The following NPHP4 variants were observed in gnomAD, a reference collection of about 807,000 sequenced individuals.
The protein encoded by NPHP4 is nephrocystin 4.
NPHP4 carries 151 observed loss-of-function variants against 155.8 expected under a neutral mutation model. The observed-to-expected ratio is 0.97, with a 90% CI of 0.85 to 1.11. The LOEUF (loss-of-function observed/expected upper bound fraction) is 1.11. Among genes scored for constraint, NPHP4 ranks in the 50% least tolerant of loss-of-function variants. NPHP4 has a pLI of 0.00. For synonymous variants in NPHP4, 845 were observed against 816.8 expected (o/e 1.03, Z -0.59); for missense variants, 1,956 against 1,925.7 (o/e 1.02, Z -0.29).
intron 9 of NPHP4, among the ~76,000 whole-genome samples, chr1:5,945,614 G>A (rs1031472174): frequency 2.0e-5 from 3 of 152,174 alleles, no homozygotes; most frequent in African/African-American, 7.2e-5. Context: ...TCTCCGGCCT[G>A]AGGCACACCC....
chr1:5,921,948 C>T (rs1645761455), intron 11 of NPHP4, among the ~76,000 whole-genome samples: 1 of 152,236 alleles, frequency 6.6e-6, no homozygotes, highest in Non-Finnish European at 1.5e-5. Flanking sequence ...TACCCACGTC[C>T]TAACCCCAGA....
intron 6 of NPHP4, among the ~76,000 whole-genome samples, chr1:5,954,336 G>C (rs1364120762): frequency 1.3e-5 from 2 of 152,208 alleles, no homozygotes; most frequent in African/African-American, 4.8e-5. Flanking sequence ...TATTGTAAGT[G>C]AAAAGAATAG....
intron 10 of NPHP4, among the ~76,000 whole-genome samples, chr1:5,931,464 G>A (rs1264657302): frequency 2.0e-5 from 3 of 151,468 alleles, no homozygotes; most frequent in Admixed American, 6.6e-5. Flanking sequence ...TGCTGGCCGG[G>A]TGCAGTGACT....
intron 2 of NPHP4, among the ~76,000 whole-genome samples, chr1:5,985,497 C>T (rs1233475195): frequency 6.6e-6 from 1 of 152,240 alleles, no homozygotes; most frequent in Non-Finnish European, 1.5e-5. Context: ...GTAGCTCAGC[C>T]CCTGCAGTCC....
intron 3 of NPHP4, among the ~76,000 whole-genome samples, chr1:5,972,566 A>G (rs1652770302): frequency 6.6e-6 from 1 of 152,134 alleles, no homozygotes; most frequent in African/African-American, 2.4e-5. Flanking sequence ...CACACAGAAG[A>G]CCCTTAACCA....
chr1:5,954,884 A>T (rs186911598), intron 6 of NPHP4, among the ~76,000 whole-genome samples: 1 of 152,360 alleles, frequency 6.6e-6, no homozygotes, highest in Non-Finnish European at 1.5e-5. Context: ...AATGGATTAT[A>T]TCAAAATAAA....
At chr1:5,963,017 C>G (rs1239220928) in intron 5 of NPHP4, among the ~76,000 whole-genome samples, 1 of 152,242 alleles carries the variant, frequency 6.6e-6, no homozygotes, top group Non-Finnish European at 1.5e-5. Context: ...GTGGCCGGGC[C>G]AGGGACAGCT....
At chr1:5,887,116 C>G in intron 18 of NPHP4, 170 bp downstream of exon 18, 2 of 640,952 alleles carry the variant, frequency 3.1e-6, no homozygotes, top group South Asian at 4.0e-5. Context: ...GGGTCCAGGA[C>G]AGACTCAGCG....
At chr1:5,903,580 T>C (rs963810004) in intron 16 of NPHP4, among the ~76,000 whole-genome samples, 2 of 152,122 alleles carry the variant, frequency 1.3e-5, no homozygotes, top group African/African-American at 2.4e-5. Flanking sequence ...GTAGCTTCAA[T>C]CTATTCGTTT....
At chr1:5,916,716 G>A (rs1423601176) in intron 11 of NPHP4, among the ~76,000 whole-genome samples, 2 of 152,206 alleles carry the variant, frequency 1.3e-5, no homozygotes, top group African/African-American at 4.8e-5. Context: ...TGCATCTTAA[G>A]AAGTCAAGCT....
At chr1:5,988,819 C>A (rs1240719912) in intron 1 of NPHP4, among the ~76,000 whole-genome samples, 2 of 152,112 alleles carry the variant, frequency 1.3e-5, no homozygotes, top group African/African-American at 2.4e-5. Flanking sequence ...CCGCCTCCAC[C>A]CACAGTGCAC....
chr1:5,991,894 C>T (rs1187401400), intron 1 of NPHP4, among the ~76,000 whole-genome samples: 2 of 139,706 alleles, frequency 1.4e-5, no homozygotes, highest in Non-Finnish European at 3.1e-5. Context: ...GTACCGCGCT[C>T]CCTTCAGCCG....
At chr1:5,901,442 G>C (rs1283234641) in intron 16 of NPHP4, among the ~76,000 whole-genome samples, 1 of 152,224 alleles carries the variant, frequency 6.6e-6, no homozygotes, top group African/African-American at 2.4e-5. Context: ...ATTGAAATCA[G>C]TCGGGTGGGG....
At chr1:5,872,486 G>C (rs1642105585) in intron 23 of NPHP4, among the ~76,000 whole-genome samples, 1 of 152,196 alleles carries the variant, frequency 6.6e-6, no homozygotes, top group African/African-American at 2.4e-5. Flanking sequence ...ATAAAGATCA[G>C]ATACATTCCT....
At position 5,975,979 on chromosome 1, in the gene NPHP4, G is replaced by A. The variant is rs113348657; in HGVS notation, c.279+2291C>T. Among the ~76,000 whole-genome samples, 474 of 152,328 alleles carry A rather than the reference G, an allele frequency of 3.1e-3. 5 individuals are homozygous for A. The highest frequency in any genetic ancestry group is 0.011 in the African/African-American group (446 of 41,572). On this transcript the variant is annotated intron_variant, in intron 3 of 29. Transcript: ENST00000378156. ...GGAAGGTCCGAAGCCTCTCTAAAGG[G>A]AGAGCTGAAGTCAGAGGGGTTGAGG...
intron 9 of NPHP4, among the ~76,000 whole-genome samples, chr1:5,940,063 C>T (rs988283211): frequency 3.3e-5 from 5 of 152,124 alleles, no homozygotes; most frequent in African/African-American, 9.7e-5. Flanking sequence ...TCAGAACTAC[C>T]GCTCATCAAA....
At chr1:5,886,975 G>A (rs918377418) in intron 18 of NPHP4, 5 of 319,930 alleles carry the variant, frequency 1.6e-5, no homozygotes, top group African/African-American at 6.4e-5. Context: ...AGTCTCTCCT[G>A]GAACCCAGTC....
rs1287032688 is a variant in NPHP4, at chr1:5,892,855, C to T, written c.2144-1827G>A. On this transcript the variant is annotated intron_variant, in intron 16 of 29. Transcript: ENST00000378156. The surrounding 1 kb of genome is among the most constrained non-coding windows in gnomAD (Gnocchi z 4.5). ...AGACTCCCAGGGGCAGTGGCCCTGT[C>T]CTCCCCAAGCCCACCTCCTGCACCC... Among the ~76,000 whole-genome samples the T allele has an allele frequency of 6.6e-6, 1 of 152,138 alleles. No homozygotes were observed. Among genetic ancestry groups the T allele is most frequent in the Non-Finnish European group, 1.5e-5 (1 of 68,024 alleles).
rs771567714 is a variant in NPHP4, at chr1:5,905,465, CG to C, written c.1781del (p.Ser594Ter). ...TQTRSSAGQP[S>X]RASMVLLQSS... ...ACTGCAGGAGCACCATGGAGGCTCT[CG>C]AGGGCTGCCCTGCAGAGCTGAGACA... On this transcript the variant is annotated frameshift_variant, in exon 15 of 30. Coordinates refer to ENST00000378156, the MANE Select transcript of NPHP4 (RefSeq NM_015102.5). LOFTEE classifies it high-confidence loss of function. The surrounding 1 kb of genome is among the most constrained non-coding windows in gnomAD (Gnocchi z 4.0). 5 of 1,605,168 alleles carry C rather than the reference CG, an allele frequency of 3.1e-6. No homozygotes were observed. The South Asian group carries it at 5.5e-5, about 18-fold the overall frequency.
Sources: allele counts gnomAD v4.1 joint callset (sites outside exome capture counted in the v4.1 genomes callset), GRCh38; gene constraint gnomAD v4.1.1; non-coding constraint Gnocchi (gnomAD v3.1); transcripts MANE v1.5; gene names NCBI Gene and HGNC (gene_info 2026-07-23, HGNC 2026-07-21).